Variants in DNAH6 observed in about 807,000 individuals in gnomAD.
The protein encoded by DNAH6 is dynein axonemal heavy chain 6, also known as axonemal beta dynein heavy chain 6.
DNAH6 carries 340 observed loss-of-function variants against 491.4 expected under a neutral mutation model. The observed-to-expected ratio is 0.69, with a 90% CI of 0.63 to 0.76. The LOEUF (loss-of-function observed/expected upper bound fraction) is 0.76, where lower values mean the gene tolerates loss of function less well. Among genes scored for constraint, DNAH6 ranks in the 30% least tolerant of loss-of-function variants. The pLI is 0.00. For synonymous variants in DNAH6, 1,603 were observed against 1,686.1 expected (o/e 0.95, Z 1.21); for missense variants, 4,443 against 4,972.2 (o/e 0.89, Z 3.20).
At chr2:84,743,353 T>C (rs1469797803) in intron 62 of DNAH6, among the ~76,000 whole-genome samples, 2 of 152,252 alleles carry the variant, frequency 1.3e-5, no homozygotes, top group South Asian at 2.1e-4. Context: ...TACAGACTTA[T>C]GAAGGTTTGT....
chr2:84,474,398 G>A, the DNAH6 span, among the ~76,000 whole-genome samples: 10 of 152,088 alleles, frequency 6.6e-5, no homozygotes, highest in East Asian at 9.7e-4. Context: ...GGCAGTTAGC[G>A]AAACAAGAGG....
rs564696646 is a variant in DNAH6, at chr2:84,592,785, ATGGATGACC to A, written c.2611-1182_2611-1174del. On this transcript the variant is annotated intron_variant, in intron 16 of 76. Coordinates refer to ENST00000389394, the MANE Select transcript of DNAH6 (RefSeq NM_001370.2). ...TAAGAAAATCCTGCTGTGCCACAGC[ATGGATGACC>A]TGGAGGACATTATGCTTAGTGAAAT... Among the ~76,000 whole-genome samples, 155 of 152,314 alleles carry A rather than the reference ATGGATGACC, an allele frequency of 1.0e-3. 1 individual carries two copies. The highest frequency in any genetic ancestry group is 3.6e-3 in the African/African-American group (149 of 41,580).
At chr2:84,623,745 T>C (rs756003164) in intron 26 of DNAH6, among the ~76,000 whole-genome samples, 4 of 152,228 alleles carry the variant, frequency 2.6e-5, no homozygotes, top group Non-Finnish European at 5.9e-5. Flanking sequence ...GATTTAATTA[T>C]TAAGGTAAAA....
chr2:84,552,730 T>TA (rs1679519873), intron 9 of DNAH6, among the ~76,000 whole-genome samples, 188 bp from the exon 10 acceptor site: 1 of 152,206 alleles, frequency 6.6e-6, no homozygotes, highest in Non-Finnish European at 1.5e-5. Context: ...TTTACATTGT[T>TA]ATGTAGTCTT....
intron 4 of DNAH6, among the ~76,000 whole-genome samples, chr2:84,537,814 G>GT (rs1420440804): frequency 6.6e-6 from 1 of 151,958 alleles, no homozygotes; most frequent in Non-Finnish European, 1.5e-5. Flanking sequence ...ACATTTTGCT[G>GT]TTTTTTGTTT....
chr2:84,630,555 C>T (rs769500138), intron 29 of DNAH6, among the ~76,000 whole-genome samples: 1 of 152,078 alleles, frequency 6.6e-6, no homozygotes, highest in South Asian at 2.1e-4. Context: ...ACTTACAGAC[C>T]TTCAAAAATA....
At chr2:84,800,277 C>A (rs1438368891) in intron 70 of DNAH6, among the ~76,000 whole-genome samples, 2 of 152,076 alleles carry the variant, frequency 1.3e-5, no homozygotes, top group African/African-American at 4.8e-5. Context: ...CAAGCAAATT[C>A]AAAAAGATAA....
chr2:84,658,319 T>C lies in DNAH6; in HGVS notation c.5785T>C (p.Leu1929=), dbSNP rs947715128. The part of the protein sequence containing the change: ...KLTEETQEYI[L]NLFQRYVDEG... Reference sequence around the variant, plus strand: ...GACTGAGGAAACCCAAGAATATATATTGAATCTTTTCCAACGTTATGTTGA... The same window carrying C: ...GACTGAGGAAACCCAAGAATATATACTGAATCTTTTCCAACGTTATGTTGA... The change falls in exon 36 of 77, where the codon TTG becomes CTG. Residue 1929 remains leucine (L), a synonymous_variant. Coordinates refer to ENST00000389394, the MANE Select transcript of DNAH6 (RefSeq NM_001370.2). 4.5e-6 allele frequency: 7 copies of C among 1,541,700 alleles called. No homozygotes were observed. The highest frequency in any genetic ancestry group is 1.7e-4 in the Middle Eastern group (1 of 5,970).
chr2:84,539,304 T>G (rs1678007763), intron 4 of DNAH6, among the ~76,000 whole-genome samples: 1 of 152,064 alleles, frequency 6.6e-6, no homozygotes, highest in South Asian at 2.1e-4. Flanking sequence ...TCCCTACCCT[T>G]CCTTCAAACA....
chr2:84,794,973 A>C (rs1414912506), intron 68 of DNAH6, among the ~76,000 whole-genome samples: 1 of 151,160 alleles, frequency 6.6e-6, no homozygotes, highest in Non-Finnish European at 1.5e-5. Context: ...TGTGGCACAT[A>C]TACACCATGG....
At chr2:84,654,507 T>A (rs1486925864) in intron 34 of DNAH6, among the ~76,000 whole-genome samples, 153 bp from the exon 35 acceptor site, 1 of 152,206 alleles carries the variant, frequency 6.6e-6, no homozygotes, top group African/African-American at 2.4e-5. Context: ...CCATTTCTAA[T>A]TACTTATTGC....
intron 33 of DNAH6, among the ~76,000 whole-genome samples, chr2:84,650,657 C>T (rs919362191): frequency 1.3e-5 from 2 of 152,210 alleles, no homozygotes; most frequent in Non-Finnish European, 2.9e-5. Flanking sequence ...AAGGCTGAGG[C>T]GGGAAGACTG....
At chr2:84,775,424 G>C (rs1348293611) in intron 64 of DNAH6, among the ~76,000 whole-genome samples, 1 of 152,058 alleles carries the variant, frequency 6.6e-6, no homozygotes, top group Non-Finnish European at 1.5e-5. Context: ...GTATTTTGTT[G>C]AGAATTTTCG....
chr2:84,526,387 G>A (rs921839208), intron 3 of DNAH6, among the ~76,000 whole-genome samples: 6 of 152,112 alleles, frequency 3.9e-5, no homozygotes, highest in East Asian at 1.9e-4. Context: ...ACTGCTAGAC[G>A]TGCACAGTTG....
At chr2:84,685,493 A>C in intron 43 of DNAH6, 21 bp downstream of exon 43, 1 of 1,367,894 alleles carries the variant, frequency 7.3e-7, no homozygotes, top group Non-Finnish European at 9.6e-7. Context: ...ATCTTTACCT[A>C]TTCTTTTTTT....
chr2:84,479,055 C>T, the DNAH6 span, among the ~76,000 whole-genome samples: 1 of 152,148 alleles, frequency 6.6e-6, no homozygotes, highest in African/African-American at 2.4e-5. Context: ...CAGCTGGACT[C>T]CTCTCTGATG....
intron 64 of DNAH6, among the ~76,000 whole-genome samples, chr2:84,765,226 G>A (rs1674966734): frequency 6.6e-6 from 1 of 152,026 alleles, no homozygotes; most frequent in African/African-American, 2.4e-5. Context: ...GAATAGAAGT[G>A]ACCTTGGGAG....
At chr2:84,523,547 G>T (rs1019737498) in intron 2 of DNAH6, among the ~76,000 whole-genome samples, 1 of 151,892 alleles carries the variant, frequency 6.6e-6, no homozygotes, top group African/African-American at 2.4e-5. Context: ...TGTGATTGGA[G>T]GTTGTTAATT....
intron 68 of DNAH6, among the ~76,000 whole-genome samples, chr2:84,789,162 G>A (rs1677503068): frequency 6.6e-6 from 1 of 152,208 alleles, no homozygotes; most frequent in African/African-American, 2.4e-5. Flanking sequence ...CCAAGACAGT[G>A]TTGAAGATGA....
Sources: allele counts gnomAD v4.1 joint callset (sites outside exome capture counted in the v4.1 genomes callset), GRCh38; gene constraint gnomAD v4.1.1; transcripts MANE v1.5; gene names NCBI Gene and HGNC (gene_info 2026-07-23, HGNC 2026-07-21).